FRMPD1: variants seen among roughly 807,000 people sequenced by gnomAD.
FRMPD1 encodes the protein FERM and PDZ domain containing 1.
A neutral mutation model predicts 117.8 loss-of-function variants in FRMPD1; 76 were observed. The ratio of observed to expected loss-of-function variants is 0.65; its 90% confidence interval spans 0.54 to 0.78. The LOEUF is 0.78. Ranked by LOEUF, FRMPD1 falls within the 30% of genes least tolerant of loss-of-function variation. The pLI is 0.00. For missense variants in FRMPD1, 1,786 were observed against 1,964.5 expected (o/e 0.91, Z 1.72); for synonymous variants, 783 against 770.4 (o/e 1.02, Z -0.27).
chr9:37,692,853 T>A (rs1026671141), intron 2 of FRMPD1, 111 bp downstream of exon 2: 2 of 799,224 alleles, frequency 2.5e-6, no homozygotes, highest in African/African-American at 3.4e-5. Context: ...GCTTGCTTTG[T>A]TCTTACACCA....
the FRMPD1 span, among the ~76,000 whole-genome samples, chr9:37,635,365 A>T: frequency 4.6e-5 from 7 of 152,232 alleles, no homozygotes; most frequent in Admixed American, 2.0e-4. Context: ...AGAAGTTGGC[A>T]TTCAATTTAA....
At chr9:37,702,176 C>A (rs542744968) in intron 2 of FRMPD1, among the ~76,000 whole-genome samples, 4 of 152,180 alleles carry the variant, frequency 2.6e-5, no homozygotes, top group Non-Finnish European at 4.4e-5. Context: ...CTGTTCATTA[C>A]TGGTTGTATA....
At position 37,717,408 on chromosome 9, in the gene FRMPD1, C is replaced by A. The variant is rs188246338; in HGVS notation, c.409-1661C>A. 5.3e-3 allele frequency among the ~76,000 whole-genome samples: 621 copies of A among 117,010 alleles called. 7 individuals carry two copies. Among genetic ancestry groups the A allele is most frequent in the African/African-American group, 0.02 (597 of 29,336 alleles). 76.8% of individuals were successfully genotyped at this position (117,010 alleles called of 152,430 possible). On this transcript the variant is annotated intron_variant, in intron 5 of 15. Coordinates refer to ENST00000377765, the MANE Select transcript of FRMPD1 (RefSeq NM_014907.3). ...TTTTTTTTTTTTTTTGAGATGTAGT[C>A]TTCCTCTGTCATCCAGGCTGGAGTA... is the stretch of plus-strand genomic sequence containing the variant.
At chr9:37,698,642 A>C (rs1412701807) in intron 2 of FRMPD1, among the ~76,000 whole-genome samples, 1 of 138,230 alleles carries the variant, frequency 7.2e-6, no homozygotes, top group Admixed American at 8.2e-5. Flanking sequence ...GCTTACTGCA[A>C]CCTCCACCTC....
the FRMPD1 span, among the ~76,000 whole-genome samples, chr9:37,605,091 C>T: frequency 6.6e-6 from 1 of 152,214 alleles, no homozygotes; most frequent in African/African-American, 2.4e-5. Context: ...TGCTGTTAGT[C>T]ACCGTGCTTC....
At chr9:37,664,271 G>A (rs1821088694) in intron 1 of FRMPD1, among the ~76,000 whole-genome samples, 1 of 151,490 alleles carries the variant, frequency 6.6e-6, no homozygotes, top group South Asian at 2.1e-4. Context: ...GGGATGTAGG[G>A]CATCGACATT....
chr9:37,675,615 G>A (rs1821502632), intron 1 of FRMPD1, among the ~76,000 whole-genome samples: 1 of 152,124 alleles, frequency 6.6e-6, no homozygotes, highest in Admixed American at 6.6e-5. Flanking sequence ...GGAGAGTAGG[G>A]TGTTTAATGG....
the FRMPD1 span, among the ~76,000 whole-genome samples, chr9:37,630,220 C>T: frequency 2.0e-5 from 3 of 152,170 alleles, no homozygotes. Flanking sequence ...TATTGACTCT[C>T]TAAGAAGCAC....
the FRMPD1 span, among the ~76,000 whole-genome samples, chr9:37,604,011 A>C: frequency 2.0e-5 from 3 of 152,082 alleles, no homozygotes; most frequent in Non-Finnish European, 4.4e-5. Flanking sequence ...TTTTCACTGA[A>C]ATTATCTGTA....
At chr9:37,669,167 G>A (rs1821263821) in intron 1 of FRMPD1, among the ~76,000 whole-genome samples, 1 of 152,158 alleles carries the variant, frequency 6.6e-6, no homozygotes, top group South Asian at 2.1e-4. Flanking sequence ...ACAAGTGAGT[G>A]AGAAGGGGAA....
chr9:37,676,251 G>C (rs59823529), intron 1 of FRMPD1, among the ~76,000 whole-genome samples: 1 of 152,000 alleles, frequency 6.6e-6, no homozygotes, highest in Non-Finnish European at 1.5e-5. Flanking sequence ...CATGCAGTAA[G>C]CATGCTTCTG....
At chr9:37,661,258 C>T (rs543420788) in intron 1 of FRMPD1, among the ~76,000 whole-genome samples, 84 of 152,230 alleles carry the variant, frequency 5.5e-4, no homozygotes, top group Middle Eastern at 3.4e-3. Context: ...CAGGAGGGTG[C>T]AGGGGGAAGT....
At chr9:37,607,288 C>G in the FRMPD1 span, among the ~76,000 whole-genome samples, 1 of 152,040 alleles carries the variant, frequency 6.6e-6, no homozygotes, top group African/African-American at 2.4e-5. Context: ...TGCACTCCAG[C>G]CTGGGTGACA....
chr9:37,716,598 T>A (rs902293664), intron 5 of FRMPD1, among the ~76,000 whole-genome samples: 1 of 152,220 alleles, frequency 6.6e-6, no homozygotes, highest in Admixed American at 6.5e-5. Context: ...GACAACAGTG[T>A]TTTCTTCCTG....
the FRMPD1 span, among the ~76,000 whole-genome samples, chr9:37,640,028 G>A: frequency 2.0e-5 from 3 of 152,056 alleles, no homozygotes. Flanking sequence ...ATGAGTTTGG[G>A]GAATAGCACT....
At chr9:37,607,677 T>C in the FRMPD1 span, among the ~76,000 whole-genome samples, 2 of 152,206 alleles carry the variant, frequency 1.3e-5, no homozygotes, top group African/African-American at 4.8e-5. Context: ...GGATTCTTAA[T>C]AGGTAGTTAT....
the FRMPD1 span, among the ~76,000 whole-genome samples, chr9:37,642,871 G>C: frequency 6.6e-6 from 1 of 152,096 alleles, no homozygotes; most frequent in East Asian, 1.9e-4. Context: ...GGAAAGTCTT[G>C]GAAGCTTTCT....
intron 1 of FRMPD1, among the ~76,000 whole-genome samples, chr9:37,671,379 C>T (rs12002635): frequency 0.15 from 22,092 of 151,966 alleles, 2,207 homozygotes; most frequent in East Asian, 0.47. Context: ...GCTCTGTTAC[C>T]GTTGTTTTTT....
the FRMPD1 span, among the ~76,000 whole-genome samples, chr9:37,607,842 A>G: frequency 6.6e-6 from 1 of 150,578 alleles, no homozygotes; most frequent in Non-Finnish European, 1.5e-5. Flanking sequence ...GTGTAATAAA[A>G]CCATACCAGC....
Sources: gnomAD v4.1 joint callset for allele counts (sites outside exome capture counted in the v4.1 genomes callset) on GRCh38, gnomAD v4.1.1 for gene constraint, MANE v1.5 for transcripts, NCBI Gene and HGNC (gene_info 2026-07-23, HGNC 2026-07-21) for gene names.